Variants in DERL2 observed in about 807,000 individuals in gnomAD.
DERL2 encodes the protein derlin-2.
In DERL2, 13 loss-of-function variants were observed where a neutral mutation model predicts 32.0. That is an observed-to-expected ratio of 0.41 (90% CI 0.26 to 0.65). DERL2 has a LOEUF of 0.65. Ranked by LOEUF, DERL2 falls within the 30% of genes least tolerant of loss-of-function variation. DERL2 has a pLI of 0.35. For synonymous variants in DERL2, 111 were observed against 104.7 expected (o/e 1.06, Z -0.37); for missense variants, 208 against 296.3 (o/e 0.70, Z 2.19).
intron 6 of DERL2, among the ~76,000 whole-genome samples, chr17:5,479,553 C>T (rs1905635077): frequency 7.1e-6 from 1 of 140,928 alleles, no homozygotes; most frequent in African/African-American, 2.6e-5. Context: ...AGTTCTATCT[C>T]AGGAAACTGA....
At chr17:5,480,201 A>G in intron 5 of DERL2, 57 bp from the exon 6 acceptor site, 1 of 1,305,978 alleles carries the variant, frequency 7.7e-7, no homozygotes, top group Non-Finnish European at 1.1e-6. Flanking sequence ...GATTGCAGGT[A>G]GACCTACCAA....
In DERL2 at chr17:5,472,994, T is replaced by C. The variant is rs1905189046; in HGVS notation, c.*1690A>G. ...ATCATATTCAAAGTTATTAGCAACATGTAAAATACTTAAATACCATTAGTT... is the reference window on the plus strand; with the variant it reads ...ATCATATTCAAAGTTATTAGCAACACGTAAAATACTTAAATACCATTAGTT... On this transcript the variant is annotated 3_prime_UTR_variant, in exon 7 of 7. Coordinates refer to ENST00000158771, the MANE Select transcript of DERL2 (RefSeq NM_016041.5). The C allele has an allele frequency of 6.6e-6, 1 of 152,220 alleles. No individual in the cohort carries two copies. The highest frequency in any genetic ancestry group is 1.5e-5 in the Non-Finnish European group (1 of 68,044). The allele number at this position is 152,220 out of a possible 1,614,324, so 9.4% of individuals were successfully genotyped here.
At chr17:5,486,179 G>GCCCCCCCCCCCCCCCCCCCCCCCCC, upstream of DERL2, 1 of 1,540,442 alleles carries the variant, frequency 6.5e-7, no homozygotes. Context: ...ACCGTCGCCT[G>GCCCCCCCCCCCCCCCCCCCCCCCCC]CCCCACCCCC....
chr17:5,480,816 G>A (rs1013667900), intron 4 of DERL2: 6 of 456,796 alleles, frequency 1.3e-5, no homozygotes, highest in African/African-American at 6.1e-5. Flanking sequence ...CTCTGCTTTC[G>A]TGAAGTTCTT....
chr17:5,474,870 A>C lies in DERL2; in HGVS notation c.615-81T>G. 1 of 1,009,114 alleles carries C rather than the reference A, an allele frequency of 9.9e-7. No individual in the cohort carries two copies. The highest frequency in any genetic ancestry group is 1.5e-5 in the South Asian group (1 of 64,548). 62.5% of individuals were successfully genotyped at this position (1,009,114 alleles called of 1,614,324 possible). ...ACTACAAGGTCAGTTCAGGCCCCAT[A>C]GGGTTTCCACCAATAGGTAAGCATT... On this transcript the variant is annotated intron_variant, in intron 6 of 6. Transcript: ENST00000158771. The surrounding 1 kb of genome is among the most constrained non-coding windows in gnomAD (Gnocchi z 4.3).
Position 5,474,847 on chromosome 17 carries a change from T to C in DERL2, c.615-58A>G, listed in dbSNP as rs931953470. On this transcript the variant is annotated intron_variant, in intron 6 of 6. Coordinates refer to ENST00000158771, the MANE Select transcript of DERL2 (RefSeq NM_016041.5). This position sits in a 1 kb window ranked among gnomAD's most constrained non-coding sequence, Gnocchi z 4.3. ...CAGAGTCATCTCAGGTCCAAAGTAC[T>C]ACAAGGTCAGTTCAGGCCCCATAGG... 2.1e-6 allele frequency: 3 copies of C among 1,399,374 alleles called. No individual in the cohort carries two copies. The highest frequency in any genetic ancestry group is 1.4e-5 in the African/African-American group (1 of 70,180). 86.7% of individuals were successfully genotyped at this position (1,399,374 alleles called of 1,614,324 possible).
chr17:5,480,357 T>A, intron 5 of DERL2, 30 bp downstream of exon 5: 1 of 1,578,172 alleles, frequency 6.3e-7, no homozygotes, highest in Non-Finnish European at 8.6e-7. Context: ...ACAGGTAAAA[T>A]AATTTAAAAA....
chr17:5,486,185 C>T (rs767320492), upstream of DERL2: 22 of 1,035,648 alleles, frequency 2.1e-5, no homozygotes, highest in South Asian at 2.7e-5. Flanking sequence ...GCCTGCCCCA[C>T]CCCCCACCCA....
intron 6 of DERL2, among the ~76,000 whole-genome samples, chr17:5,479,754 G>A (rs1905648201): frequency 6.6e-6 from 1 of 152,158 alleles, no homozygotes; most frequent in Non-Finnish European, 1.5e-5. Flanking sequence ...AACGTGGACA[G>A]CAGCTTTCAT....
chr17:5,479,931 A>G (rs1805431), intron 6 of DERL2, 123 bp downstream of exon 6: 112,062 of 623,246 alleles, frequency 0.18, 15,179 homozygotes, highest in East Asian at 0.61. Flanking sequence ...AGAATGCTCA[A>G]TCTGCAAATG....
intron 6 of DERL2, among the ~76,000 whole-genome samples, chr17:5,475,408 C>T (rs1380064470): frequency 6.6e-6 from 1 of 151,758 alleles, no homozygotes; most frequent in Non-Finnish European, 1.5e-5. Context: ...TACAGGCGCC[C>T]GCCACCACGC....
At chr17:5,477,555 T>G (rs1247218693) in intron 6 of DERL2, among the ~76,000 whole-genome samples, 2 of 152,210 alleles carry the variant, frequency 1.3e-5, no homozygotes, top group Non-Finnish European at 2.9e-5. Context: ...ATACATATAA[T>G]GGCACATACA....
Position 5,471,931 on chromosome 17 carries a change from G to A in DERL2, c.*2753C>T, listed in dbSNP as rs1361437699. The A allele has an allele frequency of 2.6e-5, 4 of 152,086 alleles. No individual in the cohort carries two copies. The highest frequency in any genetic ancestry group is 5.9e-5 in the Non-Finnish European group (4 of 68,022). 9.4% of individuals were successfully genotyped at this position (152,086 alleles called of 1,614,324 possible). A position where few individuals can be genotyped will look rare whatever the true frequency, so the allele number is the denominator to read the frequency against. ...ATTTTCAGAGGCCCCAGAGACTGAG[G>A]GTTTCATTATCCAGACCCAGGACTT... On this transcript the variant is annotated 3_prime_UTR_variant, in exon 7 of 7. Transcript: ENST00000158771.
chr17:5,485,223 TAGAAAAAG>T lies in DERL2; in HGVS notation c.94-15_94-8del. The T allele has an allele frequency of 6.4e-7, 1 of 1,570,052 alleles. No individual in the cohort carries two copies. The highest frequency in any genetic ancestry group is 8.6e-7 in the Non-Finnish European group (1 of 1,162,576). On this transcript the variant is annotated splice_region_variant and splice_polypyrimidine_tract_variant and intron_variant, in intron 1 of 6. Transcript: ENST00000158771. ...GTGTGATCAATTCCAACTGCTGAAA[TAGAAAAAG>T]AGCTTCTTAAAGCAAATCAAGAAAC...
In DERL2 at chr17:5,478,481, A is replaced by C. The variant is rs565398975; in HGVS notation, c.614+1573T>G. 8.3e-4 allele frequency among the ~76,000 whole-genome samples: 126 copies of C among 152,364 alleles called. No individual in the cohort carries two copies. In the Middle Eastern group the frequency reaches 0.01, roughly 12 times the overall value. On this transcript the variant is annotated intron_variant, in intron 6 of 6. Transcript: ENST00000158771. ...ATTCAACTAGGAAAGGGTAAATAAA[A>C]TGCCTTCCTTGTTTGATTAGGATGT...
chr17:5,480,942 C>G (rs753440948), intron 4 of DERL2: 9 of 511,130 alleles, frequency 1.8e-5, no homozygotes, highest in Non-Finnish European at 3.1e-5. Flanking sequence ...CTTGTCAGAC[C>G]GTACCATATC....
At chr17:5,479,292 C>T (rs904329271) in intron 6 of DERL2, among the ~76,000 whole-genome samples, 12 of 151,996 alleles carry the variant, frequency 7.9e-5, no homozygotes, top group African/African-American at 1.9e-4. Context: ...ACCCAAGTGT[C>T]GGGATAGTGG....
intron 6 of DERL2, among the ~76,000 whole-genome samples, chr17:5,478,286 G>T (rs1567610859): frequency 6.6e-6 from 1 of 152,086 alleles, no homozygotes; most frequent in African/African-American, 2.4e-5. Context: ...GAGGTGGGAG[G>T]ATCACTTGAG....
chr17:5,479,496 T>TAAAAAAA (rs11306765), intron 6 of DERL2, among the ~76,000 whole-genome samples: 146 of 69,432 alleles, frequency 2.1e-3, no homozygotes, highest in East Asian at 5.9e-3. Context: ...AGACTCCATG[T>TAAAAAAA]AAAAAAAAAA....
Sources: allele counts gnomAD v4.1 joint callset (sites outside exome capture counted in the v4.1 genomes callset), GRCh38; gene constraint gnomAD v4.1.1; non-coding constraint Gnocchi (gnomAD v3.1); transcripts MANE v1.5; gene names NCBI Gene and HGNC (gene_info 2026-07-23, HGNC 2026-07-21).